Variants in TRPV3 observed in about 807,000 individuals in gnomAD.
TRPV3 encodes VRL-3.
In TRPV3, 88 loss-of-function variants were observed where a neutral mutation model predicts 87.1. That is an observed-to-expected ratio of 1.01 (90% CI 0.85 to 1.21). TRPV3 has a LOEUF of 1.21. Among genes scored for constraint, TRPV3 ranks in the 50% most tolerant of loss-of-function variants. The probability of loss-of-function intolerance (pLI) is 0.00; values close to 1 mark genes in which losing one functional copy is unlikely to be tolerated. For missense variants in TRPV3, 1,054 were observed against 1,030.1 expected (o/e 1.02, Z -0.32); for synonymous variants, 438 against 423.3 (o/e 1.03, Z -0.43).
chr17:3,547,744 C>T (rs1567644853), intron 2 of TRPV3, among the ~76,000 whole-genome samples: 1 of 152,112 alleles, frequency 6.6e-6, no homozygotes, highest in African/African-American at 2.4e-5. Context: ...AGGGGCAGGG[C>T]AAGGGCAGCT....
chr17:3,542,556 G>A lies in TRPV3; in HGVS notation c.609C>T (p.Phe203=). The change falls in exon 6 of 18, where the codon TTC becomes TTT. Residue 203 remains phenylalanine, a synonymous_variant. Transcript: ENST00000576742. ...FAEENDILGR[F]INAEYTEEAY... ...CCTCCTCTGTGTACTCGGCGTTGAT[G>A]AACCTGCCCAGGATGTCGTTCTCTT... 2 of 1,614,136 alleles carry A rather than the reference G, an allele frequency of 1.2e-6. No homozygotes were observed. Among genetic ancestry groups the A allele is most frequent in the Non-Finnish European group, 1.7e-6 (2 of 1,179,986 alleles).
At chr17:3,538,933 T>C (rs2074432984) in intron 6 of TRPV3, among the ~76,000 whole-genome samples, 1 of 152,170 alleles carries the variant, frequency 6.6e-6, no homozygotes, top group Non-Finnish European at 1.5e-5. Flanking sequence ...ATATTCCAAT[T>C]CAAAATATTT....
At chr17:3,515,842 T>C (rs2074178020) in intron 16 of TRPV3, among the ~76,000 whole-genome samples, 1 of 151,782 alleles carries the variant, frequency 6.6e-6, no homozygotes, top group Non-Finnish European at 1.5e-5. Flanking sequence ...AGGCAGATCT[T>C]CCCTAAACCA....
chr17:3,526,898 C>G lies in TRPV3; in HGVS notation c.1533G>C (p.Ser511=). 6.2e-7 allele frequency: 1 copy of G among 1,612,164 alleles called. No homozygotes were observed. The highest frequency in any genetic ancestry group is 8.5e-7 in the Non-Finnish European group (1 of 1,179,330). ...EGIAIFLLRP[S]DLQSILSDAW... ...CATCCGAGAGGATGGACTGCAGATC[C>G]GAGGGTCTCAGCAGGAAGATGGCAA... is the stretch of plus-strand genomic sequence containing the variant. The change falls in exon 12 of 18, where the codon TCG becomes TCC. Residue 511 remains serine, a synonymous_variant. Coordinates refer to ENST00000576742, the MANE Select transcript of TRPV3 (RefSeq NM_145068.4).
At chr17:3,543,790 G>C (rs938623338) in intron 4 of TRPV3, among the ~76,000 whole-genome samples, 162 bp from the exon 5 acceptor site, 1 of 152,138 alleles carries the variant, frequency 6.6e-6, no homozygotes. Context: ...GACCCATCAG[G>C]CTCCCCTTGT....
Position 3,528,597 on chromosome 17 carries a change from T to C in TRPV3, c.1401+240A>G, listed in dbSNP as rs989297345. Among the ~76,000 whole-genome samples the C allele has an allele frequency of 6.6e-6, 1 of 152,142 alleles. No homozygotes were observed. Among genetic ancestry groups the C allele is most frequent in the African/African-American group, 2.4e-5 (1 of 41,432 alleles). ...AGAGACCCTGTGCAGGGCCTGAGTC[T>C]CCGAATTCTCCAACTTTCCTCCCAG... On this transcript the variant is annotated intron_variant, in intron 10 of 17. Transcript: ENST00000576742. The surrounding 1 kb of genome is among the most constrained non-coding windows in gnomAD (Gnocchi z 4.2).
intron 13 of TRPV3, among the ~76,000 whole-genome samples, chr17:3,521,364 C>T (rs1597469012): frequency 1.3e-5 from 2 of 152,204 alleles, no homozygotes; most frequent in East Asian, 3.9e-4. Context: ...GAAGAGCTCG[C>T]AAGAGCTGAT....
intron 12 of TRPV3, among the ~76,000 whole-genome samples, chr17:3,525,144 C>T (rs369590744): frequency 1.3e-5 from 2 of 151,496 alleles, no homozygotes; most frequent in Non-Finnish European, 1.5e-5. Flanking sequence ...CTCAGCCTCC[C>T]TAGTAGCTGG....
rs143918871 is a variant in TRPV3, at chr17:3,518,715, T to C, written c.1946A>G (p.Lys649Arg). The change falls in exon 15 of 18, where the codon AAG becomes AGG. Residue 649 changes from lysine to arginine, a missense_variant. Transcript: ENST00000576742. The surrounding 1 kb of genome is among the most constrained non-coding windows in gnomAD (Gnocchi z 4.3). ...CAGGAACAGAAAGAGAATGGGATAC[T>C]TGGAGTTCTGCTGGATGTTCAGGTC... is the stretch of plus-strand genomic sequence containing the variant. ...LGDLNIQQNSKYPILFLFLLI... is the reference protein window; with the variant it reads ...LGDLNIQQNSRYPILFLFLLI... 238 of 1,612,896 alleles carry C rather than the reference T, an allele frequency of 1.5e-4. No homozygotes were observed. Among genetic ancestry groups the C allele is most frequent in the Non-Finnish European group, 1.9e-4 (223 of 1,179,638 alleles).
chr17:3,545,321 T>G, intron 2 of TRPV3, 50 bp from the exon 3 acceptor site: 2 of 1,403,202 alleles, frequency 1.4e-6, no homozygotes, highest in Non-Finnish European at 2.0e-6. Context: ...GCAGAGCCTG[T>G]CTGCCTGTGT....
chr17:3,545,349 G>C, intron 2 of TRPV3, 78 bp from the exon 3 acceptor site: 1 of 1,137,246 alleles, frequency 8.8e-7, no homozygotes, highest in Non-Finnish European at 1.3e-6. Context: ...CCTGGCCCCA[G>C]AGGGTGCCCC....
chr17:3,513,654 G>A lies in TRPV3; in HGVS notation c.*263C>T. On this transcript the variant is annotated 3_prime_UTR_variant, in exon 18 of 18. Transcript: ENST00000576742. Reference sequence around the variant, plus strand: ...GAGGCTTCACCCGGGACTTCAGGAGGCTCCCAGGCTCCAGACTGCTGCTGG... The same window carrying A: ...GAGGCTTCACCCGGGACTTCAGGAGACTCCCAGGCTCCAGACTGCTGCTGG... 2.7e-6 allele frequency: 1 copy of A among 374,048 alleles called. No individual in the cohort carries two copies. Among genetic ancestry groups the A allele is most frequent in the Non-Finnish European group, 4.8e-6 (1 of 208,416 alleles). 23.2% of individuals were successfully genotyped at this position (374,048 alleles called of 1,614,324 possible). A position where few individuals can be genotyped will look rare whatever the true frequency, so the allele number is the denominator to read the frequency against.
chr17:3,542,844 T>C (rs2074480903), intron 5 of TRPV3, 146 bp from the exon 6 acceptor site: 3 of 809,910 alleles, frequency 3.7e-6, no homozygotes, highest in South Asian at 1.9e-5. Flanking sequence ...GCCGCTCTCC[T>C]CCCTCTCCAG....
intron 6 of TRPV3, among the ~76,000 whole-genome samples, chr17:3,537,630 G>A (rs964496719): frequency 1.4e-4 from 21 of 152,110 alleles, no homozygotes; most frequent in Non-Finnish European, 2.4e-4. Flanking sequence ...AGGGCCGGGC[G>A]CGGTAGCTCA....
At chr17:3,524,460 AGTCACCCCGGTGAC>A in intron 12 of TRPV3, 97 bp from the exon 13 acceptor site, 1 of 1,484,614 alleles carries the variant, frequency 6.7e-7, no homozygotes, top group South Asian at 1.3e-5. Context: ...CCCCCTGAAC[AGTCACCCCGGTGAC>A]GGATGCTGAA....
chr17:3,515,554 G>A lies in TRPV3; in HGVS notation c.2199-882C>T, dbSNP rs551228776. Among the ~76,000 whole-genome samples, 8 of 152,246 alleles carry A rather than the reference G, an allele frequency of 5.3e-5. No homozygotes were observed. In the East Asian group the frequency reaches 1.3e-3, roughly 26 times the overall value. ...CATATGCCTGCAGTCCCAGCTACCG[G>A]GGAGGCTGAGGCAGGAGAATCGCTT... On this transcript the variant is annotated intron_variant, in intron 16 of 17. Coordinates refer to ENST00000576742, the MANE Select transcript of TRPV3 (RefSeq NM_145068.4).
At chr17:3,520,398 G>A (rs6502731) in intron 14 of TRPV3, among the ~76,000 whole-genome samples, 151,430 of 152,330 alleles carry the variant, frequency 0.99, 75,269 homozygotes, top group Middle Eastern at 1. Flanking sequence ...CAGGGTATTA[G>A]TTTGCTCCTA....
intron 2 of TRPV3, chr17:3,553,442 C>T (rs1247121673): frequency 6.5e-6 from 1 of 152,694 alleles, no homozygotes; most frequent in East Asian, 1.9e-4. Context: ...CCCCAGGACT[C>T]AGCTCCAGTG....
chr17:3,546,966 T>TAAAAAAAAAAAAAAA (rs1186154946), intron 2 of TRPV3, among the ~76,000 whole-genome samples: 1 of 54,750 alleles, frequency 1.8e-5, no homozygotes, highest in African/African-American at 1.3e-4. Flanking sequence ...GGACTCCTTC[T>TAAAAAAAAAAAAAAA]CAAAAAAAAA....
Sources: gnomAD v4.1 joint callset for allele counts (sites outside exome capture counted in the v4.1 genomes callset) on GRCh38, gnomAD v4.1.1 for gene constraint, Gnocchi (gnomAD v3.1) non-coding constraint, MANE v1.5 for transcripts, NCBI Gene and HGNC (gene_info 2026-07-23, HGNC 2026-07-21) for gene names.